Variants in BMP6 observed in about 807,000 individuals in gnomAD.
BMP6 encodes VG-1-R.
A neutral mutation model predicts 54.1 loss-of-function variants in BMP6; 17 were observed. The observed-to-expected ratio is 0.31, with a 90% CI of 0.22 to 0.47. The LOEUF is 0.47. BMP6 is among the 20% of genes least tolerant of loss of function. The pLI is 1.00. For missense variants in BMP6, 720 were observed against 690.4 expected (o/e 1.04, Z -0.48); for synonymous variants, 328 against 291.2 (o/e 1.13, Z -1.28).
chr6:7,836,052 G>A (rs1758870343), intron 1 of BMP6, among the ~76,000 whole-genome samples: 1 of 152,050 alleles, frequency 6.6e-6, no homozygotes, highest in African/African-American at 2.4e-5. Flanking sequence ...TGTTGGCCAG[G>A]CCGGTCTCAA....
chr6:7,767,135 G>A (rs959807285), intron 1 of BMP6, among the ~76,000 whole-genome samples: 4 of 151,460 alleles, frequency 2.6e-5, no homozygotes, highest in African/African-American at 2.4e-5. Flanking sequence ...TACAGGTGCC[G>A]GCCACCACAC....
At chr6:7,786,048 TGCAGGAG>T (rs2113175538) in intron 1 of BMP6, among the ~76,000 whole-genome samples, 1 of 152,308 alleles carries the variant, frequency 6.6e-6, no homozygotes, top group South Asian at 2.1e-4. Flanking sequence ...GTCTTGAAAA[TGCAGGAG>T]GCAGAAGCCC....
intron 1 of BMP6, among the ~76,000 whole-genome samples, chr6:7,800,414 C>T (rs949920202): frequency 1.2e-4 from 19 of 152,018 alleles, no homozygotes; most frequent in African/African-American, 2.4e-5. Context: ...TACATTAGAC[C>T]TCACATCTCC....
chr6:7,874,801 G>A (rs1759580163), intron 4 of BMP6, among the ~76,000 whole-genome samples: 1 of 129,156 alleles, frequency 7.7e-6, no homozygotes, highest in Admixed American at 8.3e-5. Flanking sequence ...GCTTGTCAAC[G>A]CTATGTGAGA....
chr6:7,881,397 TTAAATAATACATTTATAATCTACAACTG>T lies in BMP6; in HGVS notation c.*1056_*1083del, dbSNP rs929225850. Reference sequence around the variant, plus strand: ...GGAAGGCAATTTCATACTAAACTGATTAAATAATACATTTATAATCTACAACTGTTTGCACTTACAGCTTTTTTTGTAA... The same window carrying T: ...GGAAGGCAATTTCATACTAAACTGATTTTGCACTTACAGCTTTTTTTGTAA... On this transcript the variant is annotated 3_prime_UTR_variant, in exon 7 of 7. Coordinates refer to ENST00000283147, the MANE Select transcript of BMP6 (RefSeq NM_001718.6). 1 of 152,660 alleles carries T rather than the reference TTAAATAATACATTTATAATCTACAACTG, an allele frequency of 6.6e-6. No individual in the cohort carries two copies. 9.5% of individuals were successfully genotyped at this position (152,660 alleles called of 1,614,324 possible).
intron 1 of BMP6, among the ~76,000 whole-genome samples, chr6:7,769,446 G>A (rs907750394): frequency 2.0e-5 from 3 of 152,172 alleles, no homozygotes; most frequent in African/African-American, 7.2e-5. Context: ...GTTTGCTATC[G>A]CCTGGCTTTT....
chr6:7,877,628 A>G (rs1157575204), intron 4 of BMP6, among the ~76,000 whole-genome samples: 2 of 146,512 alleles, frequency 1.4e-5, no homozygotes, highest in Non-Finnish European at 1.5e-5. Flanking sequence ...GTCTCAAAAG[A>G]AAAAAAAAAA....
chr6:7,860,345 A>G (rs1659390821), intron 2 of BMP6, among the ~76,000 whole-genome samples: 1 of 152,176 alleles, frequency 6.6e-6, no homozygotes, highest in African/African-American at 2.4e-5. Flanking sequence ...AATATTTCCA[A>G]TACCAGGAGC....
chr6:7,727,616 C>G lies in BMP6; in HGVS notation c.661C>G (p.Leu221Val). ...GGACATGGTCATGAGCTTTGTGAACCTGGGTAAGGATTTGGGGTAACGTAA... is the reference window on the plus strand; with the variant it reads ...GGACATGGTCATGAGCTTTGTGAACGTGGGTAAGGATTTGGGGTAACGTAA... ...DADMVMSFVN[L>V]VEYDKEFSPR... Residue 221 changes from leucine (L) to valine (V), a missense_variant, in exon 1 of 7, where the codon CTG becomes GTG. Transcript: ENST00000283147. 6.4e-7 allele frequency: 1 copy of G among 1,551,452 alleles called. No homozygotes were observed.
chr6:7,796,266 G>C lies in BMP6; in HGVS notation c.665-48874G>C, dbSNP rs546076557. ...TCTGCAGAGAAGTCCTTAAAAAGAA[G>C]AGTGCCATCTGGATTGCCAGAGGGA... On this transcript the variant is annotated intron_variant, in intron 1 of 6. Coordinates refer to ENST00000283147, the MANE Select transcript of BMP6 (RefSeq NM_001718.6). Among the ~76,000 whole-genome samples, 4 of 152,372 alleles carry C rather than the reference G, an allele frequency of 2.6e-5. No individual in the cohort carries two copies. The South Asian group carries it at 8.3e-4, about 32-fold the overall frequency.
At chr6:7,873,644 A>T (rs144257527) in intron 4 of BMP6, among the ~76,000 whole-genome samples, 4 of 152,188 alleles carry the variant, frequency 2.6e-5, no homozygotes, top group Middle Eastern at 3.4e-3. Context: ...TTTGGTAACT[A>T]GCCCCCATCC....
At chr6:7,816,872 A>G (rs1334601179) in intron 1 of BMP6, among the ~76,000 whole-genome samples, 1 of 152,154 alleles carries the variant, frequency 6.6e-6, no homozygotes, top group Non-Finnish European at 1.5e-5. Flanking sequence ...TTATTACTCT[A>G]CTGTTTTTCA....
intron 1 of BMP6, among the ~76,000 whole-genome samples, chr6:7,763,749 G>T (rs1757646568): frequency 1.3e-5 from 2 of 152,102 alleles, no homozygotes. Context: ...GAATGCAGGT[G>T]CAGTCCTTGG....
intron 5 of BMP6, 116 bp downstream of exon 5, chr6:7,879,266 C>G: frequency 9.0e-7 from 1 of 1,106,386 alleles, no homozygotes; most frequent in South Asian, 1.4e-5. Flanking sequence ...CTGCTTCCTT[C>G]TGTGGAAGTC....
chr6:7,841,475 C>T (rs1279850314), intron 1 of BMP6, among the ~76,000 whole-genome samples: 1 of 152,256 alleles, frequency 6.6e-6, no homozygotes, highest in Non-Finnish European at 1.5e-5. Context: ...GGTGCACATA[C>T]AGGCAGTAAC....
chr6:7,800,939 GCTC>G (rs933987557), intron 1 of BMP6, among the ~76,000 whole-genome samples: 1 of 151,198 alleles, frequency 6.6e-6, no homozygotes, highest in African/African-American at 2.4e-5. Context: ...CTTGACCTTG[GCTC>G]CAGTCAGTCA....
chr6:7,809,567 T>C (rs1758405879), intron 1 of BMP6, among the ~76,000 whole-genome samples: 1 of 152,236 alleles, frequency 6.6e-6, no homozygotes, highest in Non-Finnish European at 1.5e-5. Flanking sequence ...GCAGACTAAC[T>C]GCTTTCCTCC....
At chr6:7,862,191 C>A in intron 3 of BMP6, 110 bp from the exon 4 acceptor site, 1 of 1,276,410 alleles carries the variant, frequency 7.8e-7, no homozygotes, top group South Asian at 1.3e-5. Context: ...TCTTCACACT[C>A]ATTCTTAAGG....
chr6:7,822,560 T>A (rs1255265185), intron 1 of BMP6, among the ~76,000 whole-genome samples: 1 of 152,128 alleles, frequency 6.6e-6, no homozygotes, highest in Non-Finnish European at 1.5e-5. Flanking sequence ...TTTATTTCTA[T>A]CCTGGGAGCG....
Sources: allele counts gnomAD v4.1 joint callset (sites outside exome capture counted in the v4.1 genomes callset), GRCh38; gene constraint gnomAD v4.1.1; transcripts MANE v1.5; gene names NCBI Gene and HGNC (gene_info 2026-07-23, HGNC 2026-07-21).